The following DRC9 variants were observed in gnomAD, a reference collection of about 807,000 sequenced individuals.
DRC9 encodes the protein dynein regulatory complex protein 9.
At chr3:197,912,674 C>A in the DRC9 span, 26 of 1,612,882 alleles carry the variant, frequency 1.6e-5, no homozygotes, top group East Asian at 4.5e-5. Context: ...TGGGGACCCA[C>A]CTGCTGCTCC....
At chr3:197,914,278 C>T in the DRC9 span, among the ~76,000 whole-genome samples, 10 of 152,168 alleles carry the variant, frequency 6.6e-5, no homozygotes, top group African/African-American at 2.4e-4. Context: ...TTCCCAGGCA[C>T]ATTATTGCTG....
the DRC9 span, chr3:197,957,888 G>C: frequency 2.0e-5 from 3 of 152,234 alleles, no homozygotes; most frequent in African/African-American, 7.2e-5. Context: ...TGTAGAGGAA[G>C]AAATAGGGCG....
chr3:197,912,096 G>A, the DRC9 span, among the ~76,000 whole-genome samples: 4 of 151,336 alleles, frequency 2.6e-5, no homozygotes, highest in Middle Eastern at 3.5e-3. Context: ...GCTGGAGTAC[G>A]GTGGCGTGAT....
chr3:197,893,495 T>A, the DRC9 span, among the ~76,000 whole-genome samples: 1 of 151,938 alleles, frequency 6.6e-6, no homozygotes, highest in Admixed American at 6.6e-5. Context: ...TCTCTTTGAT[T>A]GACAGCACTA....
the DRC9 span, chr3:197,949,681 G>A: frequency 1.8e-5 from 3 of 166,044 alleles, no homozygotes; most frequent in Admixed American, 6.4e-5. Flanking sequence ...GGGGAGAAAA[G>A]AAGTATAGAA....
the DRC9 span, among the ~76,000 whole-genome samples, chr3:197,899,016 G>T: frequency 1.8e-4 from 27 of 152,006 alleles, no homozygotes; most frequent in Admixed American, 2.6e-4. Context: ...AAACTATAGG[G>T]CATAGCTTTA....
At chr3:197,891,565 C>A in the DRC9 span, 1 of 1,390,540 alleles carries the variant, frequency 7.2e-7, no homozygotes, top group South Asian at 1.2e-5. Flanking sequence ...GATAGACATT[C>A]ATCATTTATT....
At chr3:197,942,327 T>A in the DRC9 span, among the ~76,000 whole-genome samples, 7 of 127,028 alleles carry the variant, frequency 5.5e-5, no homozygotes, top group Non-Finnish European at 7.7e-5. Flanking sequence ...GAGCTTGCAG[T>A]GAGCCAAGAT....
chr3:197,953,046 G>A, the DRC9 span, among the ~76,000 whole-genome samples: 2 of 151,810 alleles, frequency 1.3e-5, no homozygotes, highest in Non-Finnish European at 2.9e-5. Context: ...TGATCCACCC[G>A]CCCCAGCCTC....
At chr3:197,891,216 A>G in the DRC9 span, among the ~76,000 whole-genome samples, 1 of 152,182 alleles carries the variant, frequency 6.6e-6, no homozygotes, top group East Asian at 1.9e-4. Context: ...TTCCGCTGCT[A>G]ACCACCTCTT....
chr3:197,954,218 C>G, the DRC9 span: 1 of 1,519,430 alleles, frequency 6.6e-7, no homozygotes, highest in East Asian at 2.3e-5. Context: ...GCTTTGACTT[C>G]TGAGGACTTC....
chr3:197,956,735 ACCT>A, the DRC9 span: 4 of 151,372 alleles, frequency 2.6e-5, no homozygotes, highest in East Asian at 1.9e-4. Context: ...GCTCAGGCAA[ACCT>A]CCTGCCTCAG....
At chr3:197,938,038 G>A in the DRC9 span, among the ~76,000 whole-genome samples, 5 of 151,930 alleles carry the variant, frequency 3.3e-5, no homozygotes, top group African/African-American at 7.2e-5. Flanking sequence ...ACAAAGGGCC[G>A]GGCGCGGTGG....
chr3:197,953,911 C>G, the DRC9 span: 5 of 1,318,172 alleles, frequency 3.8e-6, no homozygotes, highest in Non-Finnish European at 5.5e-6. Flanking sequence ...AAGTGGGTAA[C>G]CAGGGTTGAG....
At chr3:197,906,275 A>G in the DRC9 span, 1 of 152,184 alleles carries the variant, frequency 6.6e-6, no homozygotes, top group African/African-American at 2.4e-5. Context: ...CGTTTTACTG[A>G]GACCGCGCAG....
the DRC9 span, among the ~76,000 whole-genome samples, chr3:197,910,982 C>CAA: frequency 2.6e-4 from 16 of 61,514 alleles, no homozygotes; most frequent in African/African-American, 6.5e-4. Context: ...AAAAACAAAA[C>CAA]AAAAAAAAAA....
chr3:197,919,176 T>C, the DRC9 span, among the ~76,000 whole-genome samples: 1 of 152,204 alleles, frequency 6.6e-6, no homozygotes, highest in Non-Finnish European at 1.5e-5. Flanking sequence ...TTTAATGCCG[T>C]TGCCATGGGC....
chr3:197,922,828 A>G, the DRC9 span, among the ~76,000 whole-genome samples: 166 of 152,108 alleles, frequency 1.1e-3, no homozygotes, highest in African/African-American at 3.8e-3. Flanking sequence ...AAAATAGAAG[A>G]TATTTATATT....
At chr3:197,894,696 T>C in the DRC9 span, 1 of 152,180 alleles carries the variant, frequency 6.6e-6, no homozygotes, top group Non-Finnish European at 1.5e-5. Context: ...ACGATGCACC[T>C]CAAGAGTGAA....
Sources: gnomAD v4.1 joint callset for allele counts (sites outside exome capture counted in the v4.1 genomes callset) on GRCh38, gnomAD v4.1.1 for gene constraint, MANE v1.5 for transcripts, NCBI Gene and HGNC (gene_info 2026-07-23, HGNC 2026-07-21) for gene names.